The following CACNA1E variants were observed in gnomAD, a reference collection of about 807,000 sequenced individuals.
CACNA1E encodes the protein voltage-dependent R-type calcium channel subunit alpha-1E.
In CACNA1E, 40 loss-of-function variants were observed where a neutral mutation model predicts 259.2. The observed-to-expected ratio is 0.15, with a 90% CI of 0.12 to 0.20. The LOEUF is 0.20. CACNA1E is among the 10% of genes least tolerant of loss of function. The pLI, the probability that CACNA1E is intolerant of heterozygous loss-of-function variation, is 1.00. For missense variants in CACNA1E, 1,874 were observed against 3,040.1 expected (o/e 0.62, Z 9.02); for synonymous variants, 1,104 against 1,138.5 (o/e 0.97, Z 0.61).
chr1:181,373,150 A>G (rs1012756148), intron 1 of CACNA1E, among the ~76,000 whole-genome samples: 1 of 152,180 alleles, frequency 6.6e-6, no homozygotes, highest in Non-Finnish European at 1.5e-5. Context: ...TGCTGGCCTC[A>G]TAGAATCAGT....
In CACNA1E at chr1:181,672,308, G is replaced by T. The variant is rs140081972; in HGVS notation, c.1055+20867G>T. Among the ~76,000 whole-genome samples the T allele has an allele frequency of 3.8e-3, 584 of 152,284 alleles. 1 individual carries two copies. The highest frequency in any genetic ancestry group is 6.5e-3 in the Non-Finnish European group (444 of 68,026). On this transcript the variant is annotated intron_variant, in intron 7 of 47. Transcript: ENST00000367573. ...GTACTAAGTTTAATACCTGGGTGATGAAATAATCTGTACAACAAATGCCTG... is the reference window on the plus strand; with the variant it reads ...GTACTAAGTTTAATACCTGGGTGATTAAATAATCTGTACAACAAATGCCTG...
At chr1:181,600,952 A>G (rs750756022) in intron 6 of CACNA1E, among the ~76,000 whole-genome samples, 10 of 152,204 alleles carry the variant, frequency 6.6e-5, no homozygotes, top group Non-Finnish European at 1.2e-4. Context: ...CTTAATGTCT[A>G]TTAGCACTGC....
intron 3 of CACNA1E, among the ~76,000 whole-genome samples, chr1:181,566,644 C>A (rs758792748): frequency 6.6e-6 from 1 of 152,170 alleles, no homozygotes; most frequent in Non-Finnish European, 1.5e-5. Flanking sequence ...TTTGGAGACA[C>A]GTTCAGGCCA....
intron 7 of CACNA1E, among the ~76,000 whole-genome samples, chr1:181,682,807 C>T (rs1227662684): frequency 1.3e-5 from 2 of 152,166 alleles, no homozygotes; most frequent in African/African-American, 2.4e-5. Context: ...CTCATGAGAA[C>T]TTACTATCAC....
chr1:181,343,084 G>A (rs2102640061), intron 1 of CACNA1E, among the ~76,000 whole-genome samples: 1 of 152,124 alleles, frequency 6.6e-6, no homozygotes, highest in East Asian at 2.0e-4. Context: ...GTGGTTGGTG[G>A]TGGTGATGAG....
intron 25 of CACNA1E, among the ~76,000 whole-genome samples, chr1:181,743,242 G>A (rs1656745548): frequency 6.6e-6 from 1 of 152,224 alleles, no homozygotes; most frequent in Non-Finnish European, 1.5e-5. Flanking sequence ...TCTGTACTTT[G>A]AGGTCTCAAG....
intron 1 of CACNA1E, among the ~76,000 whole-genome samples, chr1:181,408,769 G>A (rs563532883): frequency 2.1e-4 from 32 of 152,202 alleles, no homozygotes; most frequent in Non-Finnish European, 4.3e-4. Flanking sequence ...GGAAGCAAGG[G>A]TTAGAGTCAG....
intron 2 of CACNA1E, among the ~76,000 whole-genome samples, chr1:181,472,835 T>C (rs931993560): frequency 1.6e-4 from 25 of 152,138 alleles, no homozygotes; most frequent in African/African-American, 6.0e-4. Flanking sequence ...CTGCTGTTCA[T>C]GGGGAGGGAG....
At chr1:181,666,721 TAC>T (rs138335534) in intron 7 of CACNA1E, among the ~76,000 whole-genome samples, 67 of 151,100 alleles carry the variant, frequency 4.4e-4, no homozygotes, top group African/African-American at 1.5e-3. Flanking sequence ...TATATATATA[TAC>T]ACACACACAC....
intron 25 of CACNA1E, among the ~76,000 whole-genome samples, chr1:181,747,602 G>A (rs1415107019): frequency 6.6e-6 from 1 of 152,096 alleles, no homozygotes; most frequent in Admixed American, 6.5e-5. Flanking sequence ...TAACATTAGA[G>A]TCAATTTTTG....
intron 7 of CACNA1E, among the ~76,000 whole-genome samples, chr1:181,691,588 T>C (rs1289725725): frequency 6.6e-6 from 1 of 152,064 alleles, no homozygotes; most frequent in African/African-American, 2.4e-5. Flanking sequence ...TCTTAATAGA[T>C]ACAGAAAAAG....
intron 1 of CACNA1E, among the ~76,000 whole-genome samples, chr1:181,320,736 G>A (rs1650275208): frequency 6.6e-6 from 1 of 152,142 alleles, no homozygotes; most frequent in Non-Finnish European, 1.5e-5. Flanking sequence ...CCGGGGGGGT[G>A]ATGGCTGGTT....
At chr1:181,724,424 A>G (rs1448459561) in intron 16 of CACNA1E, 46 bp from the exon 17 acceptor site, 2 of 1,527,040 alleles carry the variant, frequency 1.3e-6, no homozygotes, top group Non-Finnish European at 1.8e-6. Context: ...GCCTTGCTGA[A>G]GACTTTTGCT....
chr1:181,341,998 A>G (rs11579562), intron 1 of CACNA1E, among the ~76,000 whole-genome samples: 15,896 of 152,298 alleles, frequency 0.1, 1,112 homozygotes, highest in Middle Eastern at 0.19. Flanking sequence ...GGAAGGAAAC[A>G]GGACAAGGGT....
At chr1:181,368,194 C>A (rs1571683371) in intron 1 of CACNA1E, among the ~76,000 whole-genome samples, 1 of 151,904 alleles carries the variant, frequency 6.6e-6, no homozygotes, top group Non-Finnish European at 1.5e-5. Flanking sequence ...CATGCCACTG[C>A]ACTCCAGCCT....
At chr1:181,609,886 G>A (rs1023390400) in intron 6 of CACNA1E, among the ~76,000 whole-genome samples, 2 of 152,170 alleles carry the variant, frequency 1.3e-5, no homozygotes, top group Non-Finnish European at 2.9e-5. Flanking sequence ...TCAAGGGAGT[G>A]TTCCTTCTGG....
intron 7 of CACNA1E, among the ~76,000 whole-genome samples, chr1:181,667,428 T>A (rs1462632754): frequency 6.6e-6 from 1 of 152,132 alleles, no homozygotes; most frequent in Non-Finnish European, 1.5e-5. Flanking sequence ...AGAAAAAAGC[T>A]CTTATTCTGA....
At position 181,804,292 on chromosome 1, in the gene CACNA1E, G is replaced by A. The variant is rs538209411; in HGVS notation, c.*5458G>A. ...TAGGAAGTGATTGCCATCAAATTTA[G>A]TGATATGATATTTGAGTCAAAAATC... On this transcript the variant is annotated 3_prime_UTR_variant, in exon 48 of 48. Transcript: ENST00000367573. 1 of 152,292 alleles carries A rather than the reference G, an allele frequency of 6.6e-6. No homozygotes were observed. Among genetic ancestry groups the A allele is most frequent in the African/African-American group, 2.4e-5 (1 of 41,562 alleles). 9.4% of individuals were successfully genotyped at this position (152,292 alleles called of 1,614,324 possible). A position where few individuals can be genotyped will look rare whatever the true frequency, so the allele number is the denominator to read the frequency against.
At chr1:181,796,611 T>C in intron 46 of CACNA1E, 57 bp from the exon 47 acceptor site, 1 of 1,300,670 alleles carries the variant, frequency 7.7e-7, no homozygotes, top group South Asian at 1.6e-5. Context: ...AGTCCCTTCA[T>C]CATCATTGGT....
Sources: allele counts gnomAD v4.1 joint callset (sites outside exome capture counted in the v4.1 genomes callset), GRCh38; gene constraint gnomAD v4.1.1; transcripts MANE v1.5; gene names NCBI Gene and HGNC (gene_info 2026-07-23, HGNC 2026-07-21).